ACER2: variants seen among roughly 807,000 people sequenced by gnomAD.
ACER2 encodes the protein alkCDase 2.
A neutral mutation model predicts 34.7 loss-of-function variants in ACER2; 26 were observed. The observed-to-expected ratio is 0.75, with a 90% CI of 0.55 to 1.04. The LOEUF (loss-of-function observed/expected upper bound fraction) is 1.04. Ranked by LOEUF, ACER2 falls within the 50% of genes least tolerant of loss-of-function variation. The probability of loss-of-function intolerance (pLI) is 0.00; values close to 1 mark genes in which losing one functional copy is unlikely to be tolerated. For synonymous variants in ACER2, 138 were observed against 132.1 expected (o/e 1.04, Z -0.31); for missense variants, 352 against 340.8 (o/e 1.03, Z -0.26).
intron 1 of ACER2, among the ~76,000 whole-genome samples, chr9:19,421,086 C>G (rs1830390833): frequency 6.6e-6 from 1 of 152,148 alleles, no homozygotes. Context: ...CAACCTGTTA[C>G]TGTACTGGAC....
chr9:19,430,891 G>C (rs148833066), intron 3 of ACER2, among the ~76,000 whole-genome samples: 263 of 152,242 alleles, frequency 1.7e-3, no homozygotes, highest in African/African-American at 4.5e-3. Flanking sequence ...CCAGGAGGCA[G>C]AGGTTTCAGT....
intron 3 of ACER2, among the ~76,000 whole-genome samples, chr9:19,433,631 A>G (rs1015085689): frequency 5.2e-4 from 79 of 152,310 alleles, no homozygotes; most frequent in Non-Finnish European, 9.4e-4. Flanking sequence ...CCACAAAGCC[A>G]CCATTGTCAT....
intron 4 of ACER2, among the ~76,000 whole-genome samples, chr9:19,440,853 A>G (rs1831132734): frequency 6.6e-6 from 1 of 151,948 alleles, no homozygotes; most frequent in Admixed American, 6.6e-5. Context: ...GTCTAATTCC[A>G]TGTATCACAG....
intron 5 of ACER2, among the ~76,000 whole-genome samples, chr9:19,449,750 G>T (rs1052148479): frequency 1.3e-5 from 2 of 151,876 alleles, no homozygotes; most frequent in Non-Finnish European, 2.9e-5. Context: ...TAGCTAGGTG[G>T]GCCTGGTGGT....
At chr9:19,421,403 A>C (rs1347084641) in intron 1 of ACER2, among the ~76,000 whole-genome samples, 3 of 152,252 alleles carry the variant, frequency 2.0e-5, no homozygotes, top group Admixed American at 6.5e-5. Context: ...ATGTTATCCA[A>C]CCATAAAAAA....
intron 1 of ACER2, among the ~76,000 whole-genome samples, chr9:19,411,085 A>G (rs1160039158): frequency 1.3e-5 from 2 of 152,180 alleles, no homozygotes; most frequent in South Asian, 2.1e-4. Context: ...AAAGTGTCAT[A>G]GGGCTGGATG....
intron 1 of ACER2, among the ~76,000 whole-genome samples, chr9:19,417,576 A>G (rs534015208): frequency 1.3e-5 from 2 of 152,344 alleles, no homozygotes; most frequent in Admixed American, 1.3e-4. Context: ...ATCTACAACC[A>G]TCTGATCTTT....
chr9:19,415,431 G>T (rs1375466766), intron 1 of ACER2, among the ~76,000 whole-genome samples: 4 of 151,940 alleles, frequency 2.6e-5, no homozygotes, highest in African/African-American at 9.7e-5. Context: ...GGAGGCGGAG[G>T]TTGCAGTTAG....
At chr9:19,438,885 A>G (rs7021759) in intron 4 of ACER2, among the ~76,000 whole-genome samples, 53,805 of 151,954 alleles carry the variant, frequency 0.35, 10,003 homozygotes, top group African/African-American at 0.42. Context: ...TCCTGCACTT[A>G]GGTAATCTTC....
At chr9:19,420,542 A>G (rs1016008143) in intron 1 of ACER2, among the ~76,000 whole-genome samples, 1 of 152,214 alleles carries the variant, frequency 6.6e-6, no homozygotes, top group African/African-American at 2.4e-5. Flanking sequence ...GTTGGCAAGG[A>G]TGTGAGAAAT....
At chr9:19,434,115 C>CTGCAATCTTGGCACTTTGG (rs1830863680) in intron 3 of ACER2, among the ~76,000 whole-genome samples, 1 of 146,042 alleles carries the variant, frequency 6.8e-6, no homozygotes. Context: ...CGGGCAGAGG[C>CTGCAATCTTGGCACTTTGG]GCTCCTCACA....
chr9:19,424,513 A>ATCTTCT (rs147550322), intron 2 of ACER2, 187 bp from the exon 3 acceptor site: 22 of 985,178 alleles, frequency 2.2e-5, no homozygotes, highest in Non-Finnish European at 2.5e-5. Flanking sequence ...CCTAGTTGAA[A>ATCTTCT]TCTTCTTTCT....
intron 5 of ACER2, 164 bp from the exon 6 acceptor site, chr9:19,450,286 A>G: frequency 4.1e-6 from 4 of 985,432 alleles, no homozygotes; most frequent in Non-Finnish European, 4.8e-6. Flanking sequence ...CTGCTATTCC[A>G]GGGATTGTTG....
chr9:19,410,569 G>A (rs1004563818), intron 1 of ACER2, among the ~76,000 whole-genome samples: 9 of 152,150 alleles, frequency 5.9e-5, no homozygotes, highest in African/African-American at 2.2e-4. Context: ...AAATTAGCTG[G>A]ACATGTGGCA....
intron 1 of ACER2, among the ~76,000 whole-genome samples, chr9:19,421,629 A>G (rs1830411201): frequency 6.6e-6 from 1 of 152,192 alleles, no homozygotes; most frequent in South Asian, 2.1e-4. Context: ...TAATGAGAAT[A>G]GTGTTTCTTT....
At position 19,446,480 on chromosome 9, in the gene ACER2, C is replaced by T; in HGVS notation, c.641+62C>T. ...GTGTGTTTGCACTTGCTGTTGGGCTCTGTTCACCCTGCAAGTGGTGCACAG... is the reference window on the plus strand; with the variant it reads ...GTGTGTTTGCACTTGCTGTTGGGCTTTGTTCACCCTGCAAGTGGTGCACAG... On this transcript the variant is annotated intron_variant, in intron 5 of 5. Coordinates refer to ENST00000340967, the MANE Select transcript of ACER2 (RefSeq NM_001010887.3). 1.9e-6 allele frequency: 3 copies of T among 1,607,448 alleles called. No homozygotes were observed. In the South Asian group the frequency reaches 3.3e-5, roughly 18 times the overall value.
intron 1 of ACER2, chr9:19,409,894 A>G (rs1483514464): frequency 9.1e-6 from 9 of 985,306 alleles, no homozygotes; most frequent in Non-Finnish European, 1.1e-5. Flanking sequence ...GGATTTGCCT[A>G]GGTCCCTAGA....
At chr9:19,424,925 T>C in intron 3 of ACER2, 84 bp downstream of exon 3, 2 of 1,534,304 alleles carry the variant, frequency 1.3e-6, no homozygotes, top group Non-Finnish European at 1.8e-6. Flanking sequence ...AAATAGCACA[T>C]GATTGAACTC....
chr9:19,451,946 C>T lies in ACER2; in HGVS notation c.*1310C>T, dbSNP rs1024610779. On this transcript the variant is annotated 3_prime_UTR_variant, in exon 6 of 6. Transcript: ENST00000340967. ...GTTTCCCAGAGTATCCAACGGCTCA[C>T]CTTTCTCAAGTGCTGGCAGTAGCTA... The T allele has an allele frequency of 1.7e-5, 2 of 117,502 alleles. No individual in the cohort carries two copies. Among genetic ancestry groups the T allele is most frequent in the Admixed American group, 9.1e-5 (1 of 10,932 alleles). 7.3% of individuals were successfully genotyped at this position (117,502 alleles called of 1,614,324 possible).
Sources: allele counts gnomAD v4.1 joint callset (sites outside exome capture counted in the v4.1 genomes callset), GRCh38; gene constraint gnomAD v4.1.1; transcripts MANE v1.5; gene names NCBI Gene and HGNC (gene_info 2026-07-23, HGNC 2026-07-21).